ZNF717: variants seen among roughly 807,000 people sequenced by gnomAD.
ZNF717 encodes the protein krueppel-like factor X17.
In ZNF717, 9 loss-of-function variants were observed where a neutral mutation model predicts 13.8. That is an observed-to-expected ratio of 0.65 (90% CI 0.39 to 1.14). ZNF717 has a LOEUF of 1.14. Among genes scored for constraint, ZNF717 ranks in the 50% most tolerant of loss-of-function variants. The pLI is 0.01. For synonymous variants in ZNF717, 327 were observed against 364.1 expected, an observed-to-expected ratio of 0.90 and a Z score of 1.16; for missense variants, 1,040 against 1,080.7, an observed-to-expected ratio of 0.96 and a Z score of 0.53.
At chr3:75,714,145 C>A (rs1316147420) in intron 5 of ZNF717, among the ~76,000 whole-genome samples, 4 of 152,044 alleles carry the variant, frequency 2.6e-5, no homozygotes, top group African/African-American at 9.7e-5. Flanking sequence ...ATGGTCAGGC[C>A]TCCGGATAAC....
At chr3:75,778,452 G>C (rs1163480092) in intron 2 of ZNF717, among the ~76,000 whole-genome samples, 1 of 149,410 alleles carries the variant, frequency 6.7e-6, no homozygotes, top group Non-Finnish European at 1.5e-5. Context: ...TGGGAGTGAT[G>C]TGCTAGACCA....
At chr3:75,709,521 A>T (rs537864053), downstream of ZNF717, 4 of 152,244 alleles carry the variant, frequency 2.6e-5, no homozygotes, top group African/African-American at 9.6e-5. Context: ...ACAATGAGGA[A>T]GGTTACATAA....
At chr3:75,764,995 A>ATG (rs1389204132) in intron 2 of ZNF717, among the ~76,000 whole-genome samples, 25 of 25,760 alleles carry the variant, frequency 9.7e-4, no homozygotes, top group African/African-American at 5.2e-3. Flanking sequence ...AAAAGGATAT[A>ATG]TATATATATA....
chr3:75,751,787 G>T (rs1243969084), intron 2 of ZNF717, among the ~76,000 whole-genome samples: 1 of 151,868 alleles, frequency 6.6e-6, no homozygotes, highest in African/African-American at 2.4e-5. Context: ...ATGACTGTAT[G>T]AATGTTTGTC....
intron 2 of ZNF717, among the ~76,000 whole-genome samples, chr3:75,757,250 T>C (rs538370740): frequency 1.3e-5 from 2 of 151,794 alleles, no homozygotes; most frequent in Admixed American, 6.6e-5. Flanking sequence ...TAGGGAGGAG[T>C]TGATGCCTGG....
downstream of ZNF717, among the ~76,000 whole-genome samples, chr3:75,734,023 GGAA>G (rs1402417315): frequency 1.1e-5 from 1 of 87,708 alleles, no homozygotes; most frequent in Non-Finnish European, 2.7e-5. Flanking sequence ...ATTATCTAGA[GGAA>G]AAAAAAAGAT....
In ZNF717 at chr3:75,737,460, G is replaced by C. The variant is rs758545963; in HGVS notation, c.2163C>G (p.Ile721Met). ...PFIRRQIFRS[I>M]KVFTRGRNPM... The stretch of plus-strand genomic sequence containing the variant: ...GGTTTCTCCCCCGTGTGAATACCTT[G>C]ATGCTTCTGAAGATTTGCCTTCTGA... Residue 721 changes from isoleucine (I) to methionine (M), a missense_variant, in exon 5 of 5, where the codon ATC becomes ATG. Physicochemically the swap from Ile to Met is conservative, Grantham distance 10 (BLOSUM62 1). This residue lies in a region of ZNF717 where 873 missense variants were observed against 832.8 expected (regional missense o/e 1.05). Transcript: ENST00000652011. 6.4e-7 allele frequency: 1 copy of C among 1,555,404 alleles called. No homozygotes were observed. The highest frequency in any genetic ancestry group is 1.2e-5 in the South Asian group (1 of 84,268).
chr3:75,759,377 A>G (rs901866211), intron 2 of ZNF717, among the ~76,000 whole-genome samples: 4 of 148,760 alleles, frequency 2.7e-5, no homozygotes, highest in African/African-American at 9.9e-5. Context: ...CCGGGTTCAC[A>G]CCATTCTCCT....
intron 4 of ZNF717, among the ~76,000 whole-genome samples, chr3:75,722,293 T>C (rs1240977199): frequency 1.3e-5 from 2 of 152,044 alleles, no homozygotes; most frequent in African/African-American, 4.8e-5. Context: ...AAATAATAAA[T>C]TCAGTTCATG....
At chr3:75,733,613 CG>C (rs113649918), downstream of ZNF717, among the ~76,000 whole-genome samples, 149,151 of 149,704 alleles carry the variant, frequency 1, 74,299 homozygotes, top group East Asian at 1. Flanking sequence ...CCCATCTCCA[CG>C]AAAAAATACA....
At chr3:75,782,727 A>G (rs75325801) in intron 2 of ZNF717, among the ~76,000 whole-genome samples, 1 of 149,022 alleles carries the variant, frequency 6.7e-6, no homozygotes, top group Non-Finnish European at 1.5e-5. Context: ...GCAGATGACC[A>G]TTTCCACTGC....
intron 5 of ZNF717, among the ~76,000 whole-genome samples, chr3:75,716,082 T>C (rs1938043731): frequency 6.6e-6 from 1 of 151,800 alleles, no homozygotes; most frequent in Non-Finnish European, 1.5e-5. Context: ...GTGATTCTCC[T>C]GCCTCAGCCT....
downstream of ZNF717, among the ~76,000 whole-genome samples, chr3:75,708,755 A>G (rs1247471246): frequency 6.6e-6 from 1 of 152,232 alleles, no homozygotes; most frequent in Non-Finnish European, 1.5e-5. Context: ...AGAATAGCCA[A>G]TACAGAGAAG....
chr3:75,730,569 C>T (rs1444335103), exon 6 of ZNF717: 1 of 699,826 alleles, frequency 1.4e-6, no homozygotes, highest in Non-Finnish European at 2.6e-6. Context: ...GTAGGGATGT[C>T]CAATTGACAA....
chr3:75,774,353 T>C lies in ZNF717; in HGVS notation c.57+8953A>G, dbSNP rs949637982. 2.6e-5 allele frequency among the ~76,000 whole-genome samples: 4 copies of C among 152,234 alleles called. 1 individual carries two copies. The highest frequency in any genetic ancestry group is 2.9e-5 in the Non-Finnish European group (2 of 68,022). ...GAATTCTATTTCATAACATCAAGTGTTTAAACCTTTAATATATTTAATAGG... is the reference window on the plus strand; with the variant it reads ...GAATTCTATTTCATAACATCAAGTGCTTAAACCTTTAATATATTTAATAGG... On this transcript the variant is annotated intron_variant, in intron 2 of 4. Transcript: ENST00000652011.
chr3:75,779,053 A>G (rs917015094), intron 2 of ZNF717, among the ~76,000 whole-genome samples: 2 of 151,908 alleles, frequency 1.3e-5, no homozygotes, highest in Non-Finnish European at 2.9e-5. Flanking sequence ...GTGATGCGCA[A>G]AAACCGGAAC....
chr3:75,783,480 A>G (rs1944957861), intron 1 of ZNF717, 116 bp from the exon 2 acceptor site: 1 of 743,972 alleles, frequency 1.3e-6, no homozygotes, highest in East Asian at 2.8e-5. Context: ...CCCTCCTGAA[A>G]AAGAAAAACT....
chr3:75,748,426 T>C (rs1268449603), intron 2 of ZNF717, among the ~76,000 whole-genome samples: 1 of 152,200 alleles, frequency 6.6e-6, no homozygotes, highest in Non-Finnish European at 1.5e-5. Flanking sequence ...TGAACATCAA[T>C]GCGAAAATCC....
chr3:75,728,194 A>AT (rs1264478530), downstream of ZNF717, among the ~76,000 whole-genome samples: 83 of 148,408 alleles, frequency 5.6e-4, no homozygotes, highest in South Asian at 2.3e-3. Flanking sequence ...ATTGCTTAGT[A>AT]AGCATGTCTC....
Sources: gnomAD v4.1 joint callset for allele counts (sites outside exome capture counted in the v4.1 genomes callset) on GRCh38, gnomAD v4.1.1 for gene constraint, gnomAD v4.1.1 regional missense constraint, MANE v1.5 for transcripts, NCBI Gene and HGNC (gene_info 2026-07-23, HGNC 2026-07-21) for gene names.